Variants in LMX1B observed in about 807,000 individuals in gnomAD.
LMX1B encodes the protein LIM homeobox transcription factor 1-beta.
Under a neutral mutation model 51.4 loss-of-function variants are expected in LMX1B, and 12 were observed. The ratio of observed to expected loss-of-function variants is 0.23; its 90% confidence interval spans 0.15 to 0.38. The LOEUF is 0.38. Ranked by LOEUF, LMX1B falls within the 10% of genes least tolerant of loss-of-function variation. The probability of loss-of-function intolerance (pLI) is 1.00; values close to 1 mark genes in which losing one functional copy is unlikely to be tolerated. For synonymous variants in LMX1B, 237 were observed against 235.4 expected (o/e 1.01, Z -0.06); for missense variants, 445 against 571.1 (o/e 0.78, Z 2.25).
Position 126,693,767 on chromosome 9 carries a change from C to T in LMX1B, c.841C>T (p.His281Tyr). Residue 281 changes from histidine to tyrosine, a missense_variant, in exon 6 of 8, where the codon CAC becomes TAC. His to Tyr is a moderately conservative substitution (Grantham distance 83). Transcript: ENST00000373474. ...RAKMKKLARR[H>Y]QQQQEQQNSQ... is the part of the protein sequence containing the mutation. ...GCAGATGAAGAAGCTGGCGCGGCGG[C>T]ACCAGCAGCAGCAGGAGCAGCAGAA... 1 of 1,522,570 alleles carries T rather than the reference C, an allele frequency of 6.6e-7. No homozygotes were observed. Among genetic ancestry groups the T allele is most frequent in the Non-Finnish European group, 8.9e-7 (1 of 1,125,620 alleles). The allele number at this position is 1,522,570 out of a possible 1,614,324, so 94.3% of individuals were successfully genotyped here.
At chr9:126,627,649 GGCCTGGCCTTCT>G (rs1417749069) in intron 2 of LMX1B, among the ~76,000 whole-genome samples, 1 of 152,044 alleles carries the variant, frequency 6.6e-6, no homozygotes, top group Non-Finnish European at 1.5e-5. Context: ...TGATTTCCAG[GGCCTGGCCTTCT>G]GCGTGGCCTC....
chr9:126,656,828 C>T lies in LMX1B; in HGVS notation c.327-34008C>T, dbSNP rs185642054. On this transcript the variant is annotated intron_variant, in intron 2 of 7. Coordinates refer to ENST00000373474, the MANE Select transcript of LMX1B (RefSeq NM_001174147.2). ...CATCTCAGCTGCCACTCACAGGATG[C>T]CACTGGCACCGCATCCCCCAGTCCA... 5.3e-5 allele frequency among the ~76,000 whole-genome samples: 8 copies of T among 152,340 alleles called. No individual in the cohort carries two copies. The East Asian group carries it at 1.5e-3, about 29-fold the overall frequency.
chr9:126,643,424 CTG>C (rs1835842794), intron 2 of LMX1B, among the ~76,000 whole-genome samples: 1 of 152,156 alleles, frequency 6.6e-6, no homozygotes, highest in Non-Finnish European at 1.5e-5. Context: ...TCACTGCCCA[CTG>C]TGAGTCCTTG....
At chr9:126,649,887 C>T (rs919026652) in intron 2 of LMX1B, among the ~76,000 whole-genome samples, 2 of 152,372 alleles carry the variant, frequency 1.3e-5, no homozygotes, top group African/African-American at 4.8e-5. Context: ...CTTGGCCTCC[C>T]AAAGTGCTAG....
intron 2 of LMX1B, among the ~76,000 whole-genome samples, chr9:126,683,292 TCCCGCCGCCGCCCGC>T (rs1836711618): frequency 1.3e-5 from 2 of 151,420 alleles, no homozygotes; most frequent in South Asian, 4.1e-4. Flanking sequence ...CGCCCGCGGC[TCCCGCCGCCGCCCGC>T]CCGGCCCGCG....
intron 2 of LMX1B, among the ~76,000 whole-genome samples, chr9:126,653,142 C>CCTTT (rs1836052619): frequency 3.6e-5 from 2 of 55,362 alleles, no homozygotes; most frequent in Non-Finnish European, 3.3e-5. Context: ...CAAGTAGATG[C>CCTTT]TTTTTTTTTT....
Position 126,695,082 on chromosome 9 carries a change from T to G in LMX1B, c.887-757T>G, listed in dbSNP as rs150876483. 2.0e-4 allele frequency among the ~76,000 whole-genome samples: 31 copies of G among 152,202 alleles called. No homozygotes were observed. The highest frequency in any genetic ancestry group is 7.5e-4 in the African/African-American group (31 of 41,530). ...TGCCAAGTTGGGGAGTGAAGTCTTC[T>G]CATGTCTCTCGCACCCTCCTAGGAG... On this transcript the variant is annotated intron_variant, in intron 6 of 7. Transcript: ENST00000373474. This position sits in a 1 kb window ranked among gnomAD's most constrained non-coding sequence, Gnocchi z 5.2.
chr9:126,694,688 G>A (rs898762450), intron 6 of LMX1B, among the ~76,000 whole-genome samples: 1 of 152,190 alleles, frequency 6.6e-6, no homozygotes, highest in South Asian at 2.1e-4. Context: ...GGCACTGGGG[G>A]CCAGGCCAGT....
At chr9:126,684,307 C>T (rs913918800) in intron 2 of LMX1B, among the ~76,000 whole-genome samples, 4 of 152,098 alleles carry the variant, frequency 2.6e-5, no homozygotes, top group Non-Finnish European at 5.9e-5. Flanking sequence ...CCCAACAGTG[C>T]AATTACGGGG....
At chr9:126,687,738 A>T (rs1428511395) in intron 2 of LMX1B, among the ~76,000 whole-genome samples, 4 of 152,098 alleles carry the variant, frequency 2.6e-5, no homozygotes, top group Admixed American at 2.6e-4. Flanking sequence ...AAGAAAAATT[A>T]CTTGCCCGGT....
At chr9:126,693,398 T>A in intron 4 of LMX1B, 75 bp downstream of exon 4, 5 of 1,516,726 alleles carry the variant, frequency 3.3e-6, no homozygotes, top group Non-Finnish European at 4.6e-6. Context: ...CACCCCCTGC[T>A]CCTGCTGGGG....
rs532830595 is a variant in LMX1B at position 126,679,018 on chromosome 9, G to C, written c.327-11818G>C. Among the ~76,000 whole-genome samples, 5 of 152,264 alleles carry C rather than the reference G, an allele frequency of 3.3e-5. No homozygotes were observed. The South Asian group carries it at 1.0e-3, about 32-fold the overall frequency. On this transcript the variant is annotated intron_variant, in intron 2 of 7. Coordinates refer to ENST00000373474, the MANE Select transcript of LMX1B (RefSeq NM_001174147.2). ...ATGGTGGGGTCAAAATATCAGCTGG[G>C]TCAGCCACTTGGACACCCTAGTGGT...
Position 126,644,319 on chromosome 9 carries a change from A to G in LMX1B, c.326+28750A>G, listed in dbSNP as rs370508256. Among the ~76,000 whole-genome samples the G allele has an allele frequency of 7.9e-5, 12 of 152,304 alleles. No individual in the cohort carries two copies. In the South Asian group the frequency reaches 2.5e-3, roughly 32 times the overall value. ...GAAAAACCTGTTTGTTGGGTGAGCTATTGATCGACCGACTGGCCCTTCCCA... is the reference window on the plus strand; with the variant it reads ...GAAAAACCTGTTTGTTGGGTGAGCTGTTGATCGACCGACTGGCCCTTCCCA... On this transcript the variant is annotated intron_variant, in intron 2 of 7. Coordinates refer to ENST00000373474, the MANE Select transcript of LMX1B (RefSeq NM_001174147.2).
At chr9:126,667,010 T>A (rs574097054) in intron 2 of LMX1B, among the ~76,000 whole-genome samples, 57 of 152,360 alleles carry the variant, frequency 3.7e-4, no homozygotes, top group African/African-American at 1.3e-3. Context: ...AGATTTTTTA[T>A]TTTTTATATT....
chr9:126,621,144 C>T (rs1333701683), intron 2 of LMX1B, among the ~76,000 whole-genome samples: 1 of 152,216 alleles, frequency 6.6e-6, no homozygotes, highest in Non-Finnish European at 1.5e-5. Context: ...ACTTTGGCAT[C>T]AGTTAGGCTG....
In LMX1B at chr9:126,696,873, A is replaced by C; in HGVS notation, c.*422A>C. On this transcript the variant is annotated 3_prime_UTR_variant, in exon 8 of 8. Coordinates refer to ENST00000373474, the MANE Select transcript of LMX1B (RefSeq NM_001174147.2). ...AGGCGGTGACCTGAGAAGCGTGTGT[A>C]CCTGTGCCCCAGCAAGGGCAGGGGT... The C allele has an allele frequency of 4.4e-6, 1 of 227,406 alleles. No homozygotes were observed. The highest frequency in any genetic ancestry group is 8.8e-6 in the Non-Finnish European group (1 of 114,058). 14.1% of individuals were successfully genotyped at this position (227,406 alleles called of 1,614,324 possible).
chr9:126,693,456 C>T (rs1413237272), intron 4 of LMX1B, 68 bp from the exon 5 acceptor site: 2 of 1,574,454 alleles, frequency 1.3e-6, no homozygotes, highest in African/African-American at 2.7e-5. Flanking sequence ...CCCATCATAC[C>T]CCTAAACCCA....
intron 2 of LMX1B, among the ~76,000 whole-genome samples, chr9:126,670,292 G>A (rs1460674983): frequency 6.6e-6 from 1 of 152,368 alleles, no homozygotes; most frequent in East Asian, 1.9e-4. Flanking sequence ...GGGTGGACAC[G>A]TGTGCATGTG....
chr9:126,691,956 T>G (rs565202730), intron 3 of LMX1B, among the ~76,000 whole-genome samples: 1 of 152,278 alleles, frequency 6.6e-6, no homozygotes, highest in East Asian at 1.9e-4. Flanking sequence ...GGAGTGAGCC[T>G]TAAGGAGGGA....
Sources: allele counts gnomAD v4.1 joint callset (sites outside exome capture counted in the v4.1 genomes callset), GRCh38; gene constraint gnomAD v4.1.1; non-coding constraint Gnocchi (gnomAD v3.1); transcripts MANE v1.5; gene names NCBI Gene and HGNC (gene_info 2026-07-23, HGNC 2026-07-21).